DCAF6: variants seen among roughly 807,000 people sequenced by gnomAD.
DCAF6 encodes DDB1- and CUL4-associated factor 6.
Under a neutral mutation model 125.1 loss-of-function variants are expected in DCAF6, and 54 were observed. The observed-to-expected ratio is 0.43, with a 90% CI of 0.35 to 0.54. DCAF6 has a LOEUF of 0.54. Ranked by LOEUF, DCAF6 falls within the 20% of genes least tolerant of loss-of-function variation. The pLI is 0.01. For synonymous variants in DCAF6, 371 were observed against 390.4 expected, an observed-to-expected ratio of 0.95 and a Z score of 0.58; for missense variants, 934 against 1,161.7, an observed-to-expected ratio of 0.80 and a Z score of 2.85.
intron 21 of DCAF6, among the ~76,000 whole-genome samples, chr1:168,069,732 G>C (rs1342499843): frequency 6.6e-6 from 1 of 151,960 alleles, no homozygotes; most frequent in Admixed American, 6.6e-5. Flanking sequence ...AACTTCAAAT[G>C]GTGAAAACAA....
At chr1:167,908,251 A>G in the DCAF6 span, among the ~76,000 whole-genome samples, 1 of 152,268 alleles carries the variant, frequency 6.6e-6, no homozygotes, top group African/African-American at 2.4e-5. Flanking sequence ...TTCTTGTATG[A>G]TAGTGTGGAT....
At chr1:168,066,250 G>C (rs1167020841) in intron 19 of DCAF6, 127 bp from the exon 20 acceptor site, 1 of 484,916 alleles carries the variant, frequency 2.1e-6, no homozygotes, top group Non-Finnish European at 3.6e-6. Context: ...TCAATTAACA[G>C]TTAAATATAT....
intron 2 of DCAF6, among the ~76,000 whole-genome samples, chr1:167,956,627 T>A (rs1460684353): frequency 6.6e-6 from 1 of 152,170 alleles, no homozygotes. Flanking sequence ...CTTTGTTTTG[T>A]AATTTTTTGA....
intron 16 of DCAF6, among the ~76,000 whole-genome samples, chr1:168,045,988 A>G (rs1465336673): frequency 6.6e-6 from 1 of 152,074 alleles, no homozygotes; most frequent in Admixed American, 6.6e-5. Context: ...GTGAGATTCT[A>G]TTTGAAATAT....
intron 18 of DCAF6, 146 bp from the exon 19 acceptor site, chr1:168,065,444 A>G: frequency 2.9e-6 from 2 of 693,782 alleles, no homozygotes; most frequent in Non-Finnish European, 4.6e-6. Flanking sequence ...CACTGCGCCC[A>G]GCATCAATTT....
At chr1:167,990,759 T>A (rs1208537824) in intron 5 of DCAF6, among the ~76,000 whole-genome samples, 3 of 152,232 alleles carry the variant, frequency 2.0e-5, no homozygotes, top group Admixed American at 6.5e-5. Context: ...TATTTGAAAG[T>A]AATTTTTATT....
At chr1:167,874,317 T>A in the DCAF6 span, among the ~76,000 whole-genome samples, 7 of 151,946 alleles carry the variant, frequency 4.6e-5, no homozygotes, top group African/African-American at 1.7e-4. Context: ...GGCAACAGAG[T>A]GAGACTCTGT....
At chr1:168,029,526 A>G (rs992010898) in intron 12 of DCAF6, among the ~76,000 whole-genome samples, 3 of 152,222 alleles carry the variant, frequency 2.0e-5, no homozygotes, top group Non-Finnish European at 4.4e-5. Context: ...AACAGCAACA[A>G]CAACATAAGA....
chr1:168,038,246 C>A, intron 12 of DCAF6, 125 bp from the exon 13 acceptor site: 2 of 680,154 alleles, frequency 2.9e-6, no homozygotes, highest in Middle Eastern at 3.0e-4. Flanking sequence ...TAAATGAAAC[C>A]CATAACAGAT....
chr1:167,902,051 A>G, the DCAF6 span: 16 of 1,604,842 alleles, frequency 1.0e-5, no homozygotes, highest in South Asian at 1.8e-4. Context: ...AAAAATCAAC[A>G]CTTCTGAGAA....
the DCAF6 span, among the ~76,000 whole-genome samples, chr1:167,885,122 A>T: frequency 7.4e-6 from 1 of 135,582 alleles, no homozygotes; most frequent in Non-Finnish European, 1.6e-5. Context: ...GACAGATCTC[A>T]TTTTTTTTAT....
chr1:167,994,557 G>T (rs1681363315), intron 7 of DCAF6, among the ~76,000 whole-genome samples: 1 of 152,154 alleles, frequency 6.6e-6, no homozygotes, highest in African/African-American at 2.4e-5. Flanking sequence ...ATAAGTTAAA[G>T]TAGTTGTATA....
the DCAF6 span, among the ~76,000 whole-genome samples, chr1:167,885,131 A>G: frequency 6.6e-6 from 1 of 151,872 alleles, no homozygotes; most frequent in African/African-American, 2.4e-5. Flanking sequence ...CATTTTTTTT[A>G]TGGCTGAATA....
At chr1:167,891,529 G>A in the DCAF6 span, among the ~76,000 whole-genome samples, 19 of 151,586 alleles carry the variant, frequency 1.3e-4, no homozygotes, top group Non-Finnish European at 2.4e-4. Context: ...GGTGGCGGGC[G>A]CCTGTAGTCC....
intron 3 of DCAF6, among the ~76,000 whole-genome samples, chr1:167,967,243 T>C (rs1434380036): frequency 1.3e-5 from 2 of 152,194 alleles, no homozygotes; most frequent in Non-Finnish European, 2.9e-5. Flanking sequence ...GCGGTGTGAA[T>C]AGTTCTTGAG....
intron 2 of DCAF6, among the ~76,000 whole-genome samples, chr1:167,959,514 C>T (rs560439997): frequency 2.6e-4 from 39 of 152,284 alleles, no homozygotes; most frequent in African/African-American, 7.7e-4. Flanking sequence ...TTTGCATTCC[C>T]ACCAGCAATG....
intron 1 of DCAF6, among the ~76,000 whole-genome samples, chr1:167,942,527 A>G (rs1672413401): frequency 6.6e-6 from 1 of 152,196 alleles, no homozygotes; most frequent in African/African-American, 2.4e-5. Flanking sequence ...GTACTTTACA[A>G]ATATTTTCTG....
the DCAF6 span, among the ~76,000 whole-genome samples, chr1:167,878,071 T>C: frequency 6.6e-6 from 1 of 152,226 alleles, no homozygotes; most frequent in African/African-American, 2.4e-5. Context: ...TAATATCTTA[T>C]ACTCTTTTAA....
At chr1:167,970,069 C>T (rs56118659) in intron 3 of DCAF6, among the ~76,000 whole-genome samples, 1,563 of 152,278 alleles carry the variant, frequency 0.01, 34 homozygotes, top group African/African-American at 0.036. Flanking sequence ...TGAACCATTG[C>T]GCCTAGCCCC....
Sources: allele counts gnomAD v4.1 joint callset (sites outside exome capture counted in the v4.1 genomes callset), GRCh38; gene constraint gnomAD v4.1.1; transcripts MANE v1.5; gene names NCBI Gene and HGNC (gene_info 2026-07-23, HGNC 2026-07-21).